SNTG1: variants seen among roughly 807,000 people sequenced by gnomAD.
SNTG1 encodes gamma-1-syntrophin.
In SNTG1, 39 loss-of-function variants were observed where a neutral mutation model predicts 74.7. That is an observed-to-expected ratio of 0.52 (90% CI 0.40 to 0.68). The LOEUF (loss-of-function observed/expected upper bound fraction) is 0.68. Ranked by LOEUF, SNTG1 falls within the 30% of genes least tolerant of loss-of-function variation. The pLI is 0.00. For synonymous variants in SNTG1, 254 were observed against 217.1 expected (o/e 1.17, Z -1.49); for missense variants, 685 against 609.5 (o/e 1.12, Z -1.30).
Position 50,623,843 on chromosome 8 carries a change from A to C in SNTG1, c.849+32926A>C, listed in dbSNP as rs148095810. On this transcript the variant is annotated intron_variant, in intron 13 of 18. Transcript: ENST00000642720. Reference sequence around the variant, plus strand: ...GATTTGTTTTGTTTATATCATATGTAATTTTTGTTGAGATCATACTTTTGT... The same window carrying C: ...GATTTGTTTTGTTTATATCATATGTCATTTTTGTTGAGATCATACTTTTGT... Among the ~76,000 whole-genome samples, 746 of 151,950 alleles carry C rather than the reference A, an allele frequency of 4.9e-3. 8 individuals carry two copies. The highest frequency in any genetic ancestry group is 0.017 in the African/African-American group (685 of 41,414).
intron 2 of SNTG1, among the ~76,000 whole-genome samples, chr8:50,333,045 C>T (rs911657958): frequency 6.6e-6 from 1 of 152,140 alleles, no homozygotes; most frequent in African/African-American, 2.4e-5. Flanking sequence ...GATATATTTT[C>T]AGATATGAAG....
Position 50,151,599 on chromosome 8 carries a change from G to T in SNTG1, c.-102-20962G>T, listed in dbSNP as rs543186510. Among the ~76,000 whole-genome samples, 6 of 152,190 alleles carry T rather than the reference G, an allele frequency of 3.9e-5. No homozygotes were observed. The South Asian group carries it at 1.2e-3, about 32-fold the overall frequency. Reference sequence around the variant, plus strand: ...GGTTTAAATGTGTCCCAGAGATTCTGGTATGTTTTGTCTTTGTTCTCATTG... The same window carrying T: ...GGTTTAAATGTGTCCCAGAGATTCTTGTATGTTTTGTCTTTGTTCTCATTG... On this transcript the variant is annotated intron_variant, in intron 1 of 18. Transcript: ENST00000642720.
chr8:50,736,421 A>T (rs375868511), intron 17 of SNTG1, among the ~76,000 whole-genome samples: 5 of 152,292 alleles, frequency 3.3e-5, no homozygotes, highest in Admixed American at 6.5e-5. Context: ...ACTCAGATTC[A>T]TAAAGCAAGT....
At chr8:50,231,675 C>T (rs1398906206) in intron 2 of SNTG1, among the ~76,000 whole-genome samples, 3 of 151,130 alleles carry the variant, frequency 2.0e-5, no homozygotes, top group South Asian at 2.1e-4. Flanking sequence ...TAAAAAGAAA[C>T]GTTTAGAATA....
intron 1 of SNTG1, among the ~76,000 whole-genome samples, chr8:50,030,255 G>C (rs1276298142): frequency 6.6e-6 from 1 of 151,900 alleles, no homozygotes; most frequent in African/African-American, 2.4e-5. Flanking sequence ...CTAGTCTCTT[G>C]TTAGATGCAT....
chr8:50,244,412 G>T (rs559821671), intron 2 of SNTG1, among the ~76,000 whole-genome samples: 1 of 152,048 alleles, frequency 6.6e-6, no homozygotes, highest in Non-Finnish European at 1.5e-5. Flanking sequence ...TATCAAGGGA[G>T]GCCTACAAAA....
chr8:50,329,151 G>T (rs995062206), intron 2 of SNTG1, among the ~76,000 whole-genome samples: 2 of 152,086 alleles, frequency 1.3e-5, no homozygotes, highest in Admixed American at 1.3e-4. Context: ...GGCACTGCAG[G>T]GTTCAACCTC....
chr8:50,416,172 T>C (rs1309764363), intron 4 of SNTG1, among the ~76,000 whole-genome samples: 7 of 152,174 alleles, frequency 4.6e-5, no homozygotes, highest in African/African-American at 1.4e-4. Flanking sequence ...TAATCATCAG[T>C]ATGGATATTG....
chr8:49,975,746 A>T (rs1024986410), intron 1 of SNTG1, among the ~76,000 whole-genome samples: 1 of 131,642 alleles, frequency 7.6e-6, no homozygotes, highest in Non-Finnish European at 1.6e-5. Context: ...TGCCTGCAAG[A>T]CTCACAAAAC....
chr8:50,503,891 G>C (rs1324746933), intron 9 of SNTG1, among the ~76,000 whole-genome samples: 1 of 152,140 alleles, frequency 6.6e-6, no homozygotes, highest in Non-Finnish European at 1.5e-5. Flanking sequence ...ATGCAGGGTT[G>C]TAACATAGGT....
chr8:50,010,222 T>C (rs1339183287), intron 1 of SNTG1, among the ~76,000 whole-genome samples: 1 of 152,174 alleles, frequency 6.6e-6, no homozygotes, highest in East Asian at 1.9e-4. Flanking sequence ...AATAATTGTG[T>C]TCAATTATAC....
intron 18 of SNTG1, among the ~76,000 whole-genome samples, chr8:50,781,592 G>T (rs539697282): frequency 6.6e-6 from 1 of 152,156 alleles, no homozygotes; most frequent in Admixed American, 6.5e-5. Context: ...TTGAATCTAT[G>T]TGTGTCTCTG....
chr8:50,206,116 T>A (rs891415547), intron 2 of SNTG1, among the ~76,000 whole-genome samples: 3 of 152,188 alleles, frequency 2.0e-5, no homozygotes, highest in African/African-American at 7.2e-5. Context: ...AAGTCATTGG[T>A]AGCTTGATTG....
chr8:50,722,181 CAT>C (rs1483735706), intron 17 of SNTG1, among the ~76,000 whole-genome samples: 1 of 139,506 alleles, frequency 7.2e-6, no homozygotes, highest in Admixed American at 6.9e-5. Flanking sequence ...TGTGTGTGTA[CAT>C]ATATATATTG....
intron 13 of SNTG1, among the ~76,000 whole-genome samples, chr8:50,609,491 A>G (rs2130977029): frequency 6.6e-6 from 1 of 152,204 alleles, no homozygotes; most frequent in Middle Eastern, 3.4e-3. Context: ...CCAGAAGTTT[A>G]ATATTCCTAG....
At chr8:50,774,995 T>C (rs1443703482) in intron 18 of SNTG1, among the ~76,000 whole-genome samples, 1 of 150,574 alleles carries the variant, frequency 6.6e-6, no homozygotes, top group Non-Finnish European at 1.5e-5. Flanking sequence ...ATAATTTATA[T>C]AAAAGTGTAT....
At chr8:50,284,043 G>A (rs1586953558) in intron 2 of SNTG1, among the ~76,000 whole-genome samples, 1 of 151,972 alleles carries the variant, frequency 6.6e-6, no homozygotes, top group Non-Finnish European at 1.5e-5. Flanking sequence ...CCCAGTCCAC[G>A]ATGCCTTCCA....
At chr8:50,331,896 A>G (rs2090979737) in intron 2 of SNTG1, among the ~76,000 whole-genome samples, 2 of 152,224 alleles carry the variant, frequency 1.3e-5, no homozygotes, top group Non-Finnish European at 2.9e-5. Context: ...GTGTTCATTT[A>G]AAATATTTTA....
intron 13 of SNTG1, among the ~76,000 whole-genome samples, chr8:50,635,012 A>C (rs2095029683): frequency 6.6e-6 from 1 of 152,112 alleles, no homozygotes; most frequent in Non-Finnish European, 1.5e-5. Context: ...CCTGGGCCCT[A>C]GTGGTTCATG....
Sources: allele counts gnomAD v4.1 joint callset (sites outside exome capture counted in the v4.1 genomes callset), GRCh38; gene constraint gnomAD v4.1.1; transcripts MANE v1.5; gene names NCBI Gene and HGNC (gene_info 2026-07-23, HGNC 2026-07-21).